The following GALNT18 variants were observed in gnomAD, a reference collection of about 807,000 sequenced individuals.
GALNT18 encodes polypeptide N-acetylgalactosaminyltransferase 18.
GALNT18 carries 44 observed loss-of-function variants against 69.5 expected under a neutral mutation model. That is an observed-to-expected ratio of 0.63 (90% CI 0.50 to 0.81). The LOEUF (loss-of-function observed/expected upper bound fraction) is 0.81, where lower values mean the gene tolerates loss of function less well. GALNT18 is among the 40% of genes least tolerant of loss of function. GALNT18 has a pLI of 0.00. For synonymous variants in GALNT18, 364 were observed against 318.2 expected (o/e 1.14, Z -1.53); for missense variants, 715 against 810.0 (o/e 0.88, Z 1.42).
rs191597441 is a variant in GALNT18 at position 11,283,047 on chromosome 11, G to A, written c.1677+9982C>T. 2.0e-5 allele frequency among the ~76,000 whole-genome samples: 3 copies of A among 152,298 alleles called. No homozygotes were observed. In the East Asian group the frequency reaches 5.8e-4, roughly 29 times the overall value. On this transcript the variant is annotated intron_variant, in intron 10 of 10. Coordinates refer to ENST00000227756, the MANE Select transcript of GALNT18 (RefSeq NM_198516.3). ...CAAGGAGGGGAGGAGGTGGCCCACGGCAGAAATGGCGGAGTCGTGGGCCCT... is the reference window on the plus strand; with the variant it reads ...CAAGGAGGGGAGGAGGTGGCCCACGACAGAAATGGCGGAGTCGTGGGCCCT...
chr11:11,594,804 A>C (rs1445547074), intron 1 of GALNT18, among the ~76,000 whole-genome samples: 1 of 137,132 alleles, frequency 7.3e-6, no homozygotes, highest in Non-Finnish European at 1.6e-5. Flanking sequence ...ATGTGTTTTC[A>C]ATTATCTTGG....
At chr11:11,427,883 A>G (rs1855169011) in intron 3 of GALNT18, among the ~76,000 whole-genome samples, 1 of 152,216 alleles carries the variant, frequency 6.6e-6, no homozygotes, top group Non-Finnish European at 1.5e-5. Flanking sequence ...TGAGGCAGAC[A>G]GGGCAAGGCA....
At chr11:11,457,334 T>G (rs1350196773) in intron 1 of GALNT18, among the ~76,000 whole-genome samples, 2 of 152,232 alleles carry the variant, frequency 1.3e-5, no homozygotes, top group Non-Finnish European at 2.9e-5. Flanking sequence ...CTGCTGAAGC[T>G]GAGTCATTTT....
intron 2 of GALNT18, among the ~76,000 whole-genome samples, chr11:11,441,101 T>C (rs542404210): frequency 7.9e-5 from 12 of 152,344 alleles, no homozygotes; most frequent in Admixed American, 1.3e-4. Context: ...AATTCTGCAG[T>C]TGTGATCTGA....
intron 1 of GALNT18, among the ~76,000 whole-genome samples, chr11:11,571,319 C>A (rs908557300): frequency 6.6e-6 from 1 of 152,208 alleles, no homozygotes; most frequent in Non-Finnish European, 1.5e-5. Flanking sequence ...GGAGAATCAA[C>A]CCCTGACTTT....
At position 11,356,892 on chromosome 11, in the gene GALNT18, C is replaced by T. The variant is rs536347464; in HGVS notation, c.1092+15623G>A. Among the ~76,000 whole-genome samples the T allele has an allele frequency of 6.6e-6, 1 of 152,130 alleles. No individual in the cohort carries two copies. The highest frequency in any genetic ancestry group is 6.5e-5 in the Admixed American group (1 of 15,274). On this transcript the variant is annotated intron_variant, in intron 6 of 10. Transcript: ENST00000227756. This position sits in a 1 kb window ranked among gnomAD's most constrained non-coding sequence, Gnocchi z 4.4. ...TAATTTTGCACTTATCTTCACTAAC[C>T]ATAAAACTTTTACAACGTACTTTTA...
rs1241262943 is a variant in GALNT18, at chr11:11,432,518, A to G, written c.595+103T>C. The G allele has an allele frequency of 2.6e-6, 3 of 1,149,088 alleles. No homozygotes were observed. The highest frequency in any genetic ancestry group is 2.6e-5 in the East Asian group (1 of 38,574). The allele number at this position is 1,149,088 out of a possible 1,614,324, so 71.2% of individuals were successfully genotyped here. On this transcript the variant is annotated intron_variant, in intron 3 of 10. Transcript: ENST00000227756. This position sits in a 1 kb window ranked among gnomAD's most constrained non-coding sequence, Gnocchi z 5.8. Reference sequence around the variant, plus strand: ...CTCATCTATGCTCCAGAGAAAGAGCAGCCACAGACAGCCTTGAGCAAATGT... The same window carrying G: ...CTCATCTATGCTCCAGAGAAAGAGCGGCCACAGACAGCCTTGAGCAAATGT...
chr11:11,551,066 C>A (rs1005258550), intron 1 of GALNT18, among the ~76,000 whole-genome samples: 1 of 136,454 alleles, frequency 7.3e-6, no homozygotes, highest in African/African-American at 2.7e-5. Flanking sequence ...GGATATAAAA[C>A]TGAAACTCTA....
chr11:11,433,479 C>T (rs555065881), intron 2 of GALNT18, among the ~76,000 whole-genome samples: 1 of 152,348 alleles, frequency 6.6e-6, no homozygotes. Context: ...GACAGAATCC[C>T]AACTCTGGTC....
chr11:11,376,774 T>C (rs1251405715), intron 5 of GALNT18, among the ~76,000 whole-genome samples: 1 of 152,122 alleles, frequency 6.6e-6, no homozygotes, highest in East Asian at 1.9e-4. Context: ...CAAGTGAAAA[T>C]GCTGCCCTCT....
chr11:11,582,581 T>C lies in GALNT18; in HGVS notation c.235+38778A>G, dbSNP rs1284681927. Among the ~76,000 whole-genome samples, 2 of 152,256 alleles carry C rather than the reference T, an allele frequency of 1.3e-5. No individual in the cohort carries two copies. The highest frequency in any genetic ancestry group is 6.5e-5 in the Admixed American group (1 of 15,286). ...TTCCTCTGCCACAAGATGGAAACAATAGCTGCTCCCTCAGCCCAGTTCCTG... is the reference window on the plus strand; with the variant it reads ...TTCCTCTGCCACAAGATGGAAACAACAGCTGCTCCCTCAGCCCAGTTCCTG... On this transcript the variant is annotated intron_variant, in intron 1 of 10. Transcript: ENST00000227756. This position sits in a 1 kb window ranked among gnomAD's most constrained non-coding sequence, Gnocchi z 5.0.
intron 1 of GALNT18, among the ~76,000 whole-genome samples, chr11:11,594,848 TAC>T (rs1554956013): frequency 2.0e-4 from 23 of 114,266 alleles, no homozygotes; most frequent in African/African-American, 7.4e-4. Context: ...TATACACATA[TAC>T]ATACATACAC....
rs754267564 is a variant in GALNT18 at position 11,372,653 on chromosome 11, A to G, written c.978-24T>C. ...TCCTGCAGGGGCAGGGGAGAGCAGAAGGGCTGTCTGGTGCAGCTGTCCGAG... is the reference window on the plus strand; with the variant it reads ...TCCTGCAGGGGCAGGGGAGAGCAGAGGGGCTGTCTGGTGCAGCTGTCCGAG... On this transcript the variant is annotated intron_variant, in intron 5 of 10. Transcript: ENST00000227756. The surrounding 1 kb of genome is among the most constrained non-coding windows in gnomAD (Gnocchi z 4.9). The G allele has an allele frequency of 1.9e-6, 3 of 1,588,204 alleles. No individual in the cohort carries two copies. Among genetic ancestry groups the G allele is most frequent in the Non-Finnish European group, 2.6e-6 (3 of 1,157,484 alleles).
intron 1 of GALNT18, among the ~76,000 whole-genome samples, chr11:11,452,466 G>A (rs548777451): frequency 6.6e-6 from 1 of 152,348 alleles, no homozygotes; most frequent in East Asian, 1.9e-4. Flanking sequence ...GCCCTATCGG[G>A]CCGCCGGAGT....
chr11:11,353,957 C>T (rs1298096059), intron 6 of GALNT18, among the ~76,000 whole-genome samples: 2 of 152,192 alleles, frequency 1.3e-5, no homozygotes, highest in Non-Finnish European at 2.9e-5. Flanking sequence ...AAGCATCATC[C>T]TCACACTTGG....
At chr11:11,528,393 G>A (rs1857566186) in intron 1 of GALNT18, among the ~76,000 whole-genome samples, 1 of 152,194 alleles carries the variant, frequency 6.6e-6, no homozygotes. Flanking sequence ...AAGTAACCAA[G>A]GAGAGAAGTG....
chr11:11,482,740 CA>C (rs1383241730), intron 1 of GALNT18, among the ~76,000 whole-genome samples: 1 of 152,212 alleles, frequency 6.6e-6, no homozygotes, highest in Non-Finnish European at 1.5e-5. Context: ...TGGGCTGGTA[CA>C]TCAGTTCTTC....
At position 11,372,267 on chromosome 11, in the gene GALNT18, C is replaced by T. The variant is rs1004596623; in HGVS notation, c.1092+248G>A. On this transcript the variant is annotated intron_variant, in intron 6 of 10. Coordinates refer to ENST00000227756, the MANE Select transcript of GALNT18 (RefSeq NM_198516.3). This position sits in a 1 kb window ranked among gnomAD's most constrained non-coding sequence, Gnocchi z 4.9. ...GTTTGATTTTAAAAGAGGCTGTTCC[C>T]TTGAGTTGGCAGCTTAACCTCTCCC... is the stretch of plus-strand genomic sequence containing the variant. Among the ~76,000 whole-genome samples, 1 of 152,128 alleles carries T rather than the reference C, an allele frequency of 6.6e-6. No homozygotes were observed. Among genetic ancestry groups the T allele is most frequent in the African/African-American group, 2.4e-5 (1 of 41,400 alleles).
At position 11,587,580 on chromosome 11, in the gene GALNT18, C is replaced by A. The variant is rs1247451869; in HGVS notation, c.235+33779G>T. Among the ~76,000 whole-genome samples the A allele has an allele frequency of 3.9e-5, 6 of 152,146 alleles. No individual in the cohort carries two copies. The highest frequency in any genetic ancestry group is 3.9e-4 in the Admixed American group (6 of 15,276). On this transcript the variant is annotated intron_variant, in intron 1 of 10. Coordinates refer to ENST00000227756, the MANE Select transcript of GALNT18 (RefSeq NM_198516.3). The surrounding 1 kb of genome is among the most constrained non-coding windows in gnomAD (Gnocchi z 4.4). ...ATCAGTAGTCAAGCACGGAAAATAC[C>A]CTACAACAGAAAAGCTGAAGTTGAT...
Sources: gnomAD v4.1 joint callset for allele counts (sites outside exome capture counted in the v4.1 genomes callset) on GRCh38, gnomAD v4.1.1 for gene constraint, Gnocchi (gnomAD v3.1) non-coding constraint, MANE v1.5 for transcripts, NCBI Gene and HGNC (gene_info 2026-07-23, HGNC 2026-07-21) for gene names.